The following SEMA3C variants were observed in gnomAD, a reference collection of about 807,000 sequenced individuals.
SEMA3C encodes semaphorin-3C.
Under a neutral mutation model 89.4 loss-of-function variants are expected in SEMA3C, and 47 were observed. That is an observed-to-expected ratio of 0.53 (90% CI 0.42 to 0.67). The LOEUF is 0.67. Among genes scored for constraint, SEMA3C ranks in the 30% least tolerant of loss-of-function variants. SEMA3C has a pLI of 0.00. For synonymous variants in SEMA3C, 310 were observed against 320.2 expected (o/e 0.97, Z 0.34); for missense variants, 839 against 929.1 (o/e 0.90, Z 1.26).
chr7:80,759,354 T>G lies in SEMA3C; in HGVS notation c.1486-866A>C, dbSNP rs1015598506. Among the ~76,000 whole-genome samples, 4 of 152,240 alleles carry G rather than the reference T, an allele frequency of 2.6e-5. No individual in the cohort carries two copies. In the East Asian group the frequency reaches 5.8e-4, roughly 22 times the overall value. ...TCCTCCATGTACAGATACACACACA[T>G]GCACATACATATACATTTAAAAATT... On this transcript the variant is annotated intron_variant, in intron 14 of 17. Coordinates refer to ENST00000265361, the MANE Select transcript of SEMA3C (RefSeq NM_006379.5).
At chr7:80,828,848 A>G (rs1444549466) in intron 2 of SEMA3C, 103 bp from the exon 3 acceptor site, 6 of 898,504 alleles carry the variant, frequency 6.7e-6, no homozygotes, top group Non-Finnish European at 9.8e-6. Flanking sequence ...ATGTCAAGGT[A>G]CATTTTCTTC....
chr7:80,870,132 C>A (rs1791021348), intron 2 of SEMA3C, among the ~76,000 whole-genome samples: 1 of 152,154 alleles, frequency 6.6e-6, no homozygotes, highest in Admixed American at 6.5e-5. Flanking sequence ...CGGCTTCTTA[C>A]TGTGTGCTAC....
chr7:80,768,205 A>G (rs1788345724), intron 12 of SEMA3C, among the ~76,000 whole-genome samples: 1 of 152,222 alleles, frequency 6.6e-6, no homozygotes, highest in Non-Finnish European at 1.5e-5. Flanking sequence ...TCTGCTTTGC[A>G]GCCGCTTCCT....
intron 14 of SEMA3C, among the ~76,000 whole-genome samples, chr7:80,759,260 T>C (rs1038305068): frequency 6.6e-6 from 1 of 152,162 alleles, no homozygotes; most frequent in Non-Finnish European, 1.5e-5. Flanking sequence ...TCCAAAGGAC[T>C]GATATAACTC....
chr7:80,822,074 T>G (rs1393712141), intron 4 of SEMA3C, among the ~76,000 whole-genome samples: 2 of 152,182 alleles, frequency 1.3e-5, no homozygotes, highest in Non-Finnish European at 1.5e-5. Flanking sequence ...TGCAATAGTG[T>G]CAATTCCATC....
At chr7:80,786,337 C>T (rs73137729) in intron 12 of SEMA3C, among the ~76,000 whole-genome samples, 12,445 of 151,586 alleles carry the variant, frequency 0.082, 547 homozygotes, top group Non-Finnish European at 0.099. Context: ...CTTAAAATTC[C>T]ACCCATGAAC....
intron 2 of SEMA3C, among the ~76,000 whole-genome samples, chr7:80,880,849 C>G (rs1220817283): frequency 6.6e-6 from 1 of 152,092 alleles, no homozygotes; most frequent in South Asian, 2.1e-4. Flanking sequence ...CGCTTAAATC[C>G]TGGAGGTGAA....
intron 14 of SEMA3C, among the ~76,000 whole-genome samples, chr7:80,761,263 G>A (rs910682787): frequency 7.9e-5 from 12 of 152,216 alleles, no homozygotes; most frequent in Middle Eastern, 3.4e-3. Flanking sequence ...ATGTTGTGAT[G>A]TTATAGAGTA....
At chr7:80,863,712 AT>A (rs1790834426) in intron 2 of SEMA3C, among the ~76,000 whole-genome samples, 1 of 149,086 alleles carries the variant, frequency 6.7e-6, no homozygotes, top group Non-Finnish European at 1.5e-5. Flanking sequence ...TGTGATATAT[AT>A]ATCACAGATA....
rs530753632 is a variant in SEMA3C at position 80,744,807 on chromosome 7, G to C, written c.*87C>G. On this transcript the variant is annotated 3_prime_UTR_variant, in exon 18 of 18. Coordinates refer to ENST00000265361, the MANE Select transcript of SEMA3C (RefSeq NM_006379.5). ...ATCACCTTTTTCAGTAATTCCCCTT[G>C]GTAAAGCACAAGTTTCTTTGCTCAA... is the stretch of plus-strand genomic sequence containing the variant. The C allele has an allele frequency of 1.0e-5, 15 of 1,450,608 alleles. No individual in the cohort carries two copies. The African/African-American group carries it at 1.8e-4, about 18-fold the overall frequency. The allele number at this position is 1,450,608 out of a possible 1,614,324, so 89.9% of individuals were successfully genotyped here. A position where few individuals can be genotyped will look rare whatever the true frequency, so the allele number is the denominator to read the frequency against.
At chr7:80,817,981 C>G (rs1481182789) in intron 5 of SEMA3C, among the ~76,000 whole-genome samples, 1 of 151,594 alleles carries the variant, frequency 6.6e-6, no homozygotes, top group Admixed American at 6.6e-5. Flanking sequence ...TCTTTTACAG[C>G]TTTACAAATA....
intron 2 of SEMA3C, among the ~76,000 whole-genome samples, chr7:80,836,350 G>A (rs1280884559): frequency 2.6e-5 from 4 of 152,158 alleles, no homozygotes; most frequent in Non-Finnish European, 5.9e-5. Context: ...AAGAAGGAAT[G>A]AGGAAACAAC....
chr7:80,778,963 TCTGCATGGTCTC>T (rs769463637), intron 12 of SEMA3C, among the ~76,000 whole-genome samples: 39 of 152,314 alleles, frequency 2.6e-4, no homozygotes, highest in South Asian at 1.0e-3. Flanking sequence ...AAATTCCTTA[TCTGCATGGTCTC>T]CTAGAGTGAC....
At chr7:80,818,245 C>G in intron 5 of SEMA3C, 54 bp downstream of exon 5, 3 of 1,490,150 alleles carry the variant, frequency 2.0e-6, no homozygotes, top group East Asian at 2.3e-5. Context: ...AATACAGTTT[C>G]AAAAATCCTT....
At chr7:80,748,629 C>A (rs932101947) in intron 17 of SEMA3C, among the ~76,000 whole-genome samples, 1 of 152,082 alleles carries the variant, frequency 6.6e-6, no homozygotes, top group African/African-American at 2.4e-5. Flanking sequence ...CTTTTACGAA[C>A]GTTTCCTCAC....
intron 10 of SEMA3C, among the ~76,000 whole-genome samples, chr7:80,799,089 G>T (rs970578427): frequency 2.0e-5 from 3 of 152,258 alleles, no homozygotes; most frequent in South Asian, 2.1e-4. Flanking sequence ...ATTTTCTTAA[G>T]AATTTGATTT....
chr7:80,855,330 C>T (rs1790613624), intron 2 of SEMA3C, among the ~76,000 whole-genome samples: 2 of 152,206 alleles, frequency 1.3e-5, no homozygotes, highest in South Asian at 4.1e-4. Flanking sequence ...CACTCTGCTT[C>T]CCATGCTGGA....
At chr7:80,771,322 A>G (rs1192710768) in intron 12 of SEMA3C, among the ~76,000 whole-genome samples, 1 of 152,244 alleles carries the variant, frequency 6.6e-6, no homozygotes, top group Non-Finnish European at 1.5e-5. Context: ...CACTGTGGGA[A>G]TAAGCAAGAC....
intron 2 of SEMA3C, among the ~76,000 whole-genome samples, chr7:80,906,901 C>T (rs1247781217): frequency 2.0e-5 from 3 of 152,062 alleles, no homozygotes; most frequent in Non-Finnish European, 1.5e-5. Flanking sequence ...TTACTGAATG[C>T]TTTTTCTTCT....
Sources: allele counts gnomAD v4.1 joint callset (sites outside exome capture counted in the v4.1 genomes callset), GRCh38; gene constraint gnomAD v4.1.1; transcripts MANE v1.5; gene names NCBI Gene and HGNC (gene_info 2026-07-23, HGNC 2026-07-21).